The following ADAM10 variants were observed in gnomAD, a reference collection of about 807,000 sequenced individuals.
ADAM10 encodes disintegrin and metalloproteinase domain-containing protein 10.
Under a neutral mutation model 90.1 loss-of-function variants are expected in ADAM10, and 17 were observed. The observed-to-expected ratio is 0.19, with a 90% CI of 0.13 to 0.28. The LOEUF is 0.28. Ranked by LOEUF, ADAM10 falls within the 10% of genes least tolerant of loss-of-function variation. The pLI, the probability that ADAM10 is intolerant of heterozygous loss-of-function variation, is 1.00. For missense variants in ADAM10, 610 were observed against 914.3 expected, an observed-to-expected ratio of 0.67 and a Z score of 4.29; for synonymous variants, 310 against 298.6, an observed-to-expected ratio of 1.04 and a Z score of -0.40.
intron 2 of ADAM10, among the ~76,000 whole-genome samples, chr15:58,683,566 G>C (rs1383973271): frequency 2.6e-5 from 4 of 152,034 alleles, no homozygotes; most frequent in African/African-American, 9.7e-5. Context: ...GGCATAATAA[G>C]AAATATAAAG....
At chr15:58,697,600 G>C (rs879712390) in intron 2 of ADAM10, among the ~76,000 whole-genome samples, 1 of 152,112 alleles carries the variant, frequency 6.6e-6, no homozygotes, top group Non-Finnish European at 1.5e-5. Flanking sequence ...GCCCATTGCA[G>C]CCACTGCCAT....
chr15:58,741,122 C>T (rs905696411), intron 1 of ADAM10, among the ~76,000 whole-genome samples: 55 of 152,148 alleles, frequency 3.6e-4, no homozygotes, highest in African/African-American at 1.3e-3. Flanking sequence ...CAAATGTATG[C>T]ACACGTGTGT....
intron 8 of ADAM10, among the ~76,000 whole-genome samples, chr15:58,637,634 A>G (rs1896298984): frequency 6.6e-6 from 1 of 152,214 alleles, no homozygotes; most frequent in Admixed American, 6.5e-5. Flanking sequence ...TCTACTAAGA[A>G]GCAGAAAACA....
chr15:58,740,962 A>G (rs1899593759), intron 1 of ADAM10, among the ~76,000 whole-genome samples: 1 of 152,246 alleles, frequency 6.6e-6, no homozygotes, highest in South Asian at 2.1e-4. Context: ...TGGAAACGAC[A>G]TAATTTTAAT....
intron 1 of ADAM10, among the ~76,000 whole-genome samples, chr15:58,724,889 G>T (rs1312306831): frequency 1.3e-5 from 2 of 152,120 alleles, no homozygotes; most frequent in East Asian, 3.9e-4. Flanking sequence ...CCTTACTAGT[G>T]GAGTGAAATT....
chr15:58,714,471 G>C (rs1200201299), intron 2 of ADAM10, among the ~76,000 whole-genome samples: 1 of 151,926 alleles, frequency 6.6e-6, no homozygotes, highest in Non-Finnish European at 1.5e-5. Context: ...TCAGATTCTA[G>C]GGGACTAAAG....
At position 58,682,441 on chromosome 15, in the gene ADAM10, G is replaced by A. The variant is rs149339975; in HGVS notation, c.207-127C>T. ...TGAAATTTGTCTATTTGTGAAATAC[G>A]CTGACCAAGATTTTTAAAGACATAT... On this transcript the variant is annotated intron_variant, in intron 2 of 15. Coordinates refer to ENST00000260408, the MANE Select transcript of ADAM10 (RefSeq NM_001110.4). 349 of 1,402,978 alleles carry A rather than the reference G, an allele frequency of 2.5e-4. 1 individual carries two copies. The African/African-American group carries it at 4.5e-3, about 18-fold the overall frequency. 86.9% of individuals were successfully genotyped at this position (1,402,978 alleles called of 1,614,324 possible).
intron 5 of ADAM10, among the ~76,000 whole-genome samples, chr15:58,648,328 T>A (rs1028895134): frequency 3.9e-5 from 6 of 152,156 alleles, no homozygotes. Flanking sequence ...GGTCTCCAGG[T>A]CTCAGTTTAC....
chr15:58,719,061 CG>C (rs572911796), intron 1 of ADAM10, among the ~76,000 whole-genome samples: 2 of 152,284 alleles, frequency 1.3e-5, no homozygotes, highest in East Asian at 3.9e-4. Context: ...TGGTGGCTCA[CG>C]CCTGTAATCC....
rs1323960397 is a variant in ADAM10 at position 58,647,246 on chromosome 15, G to GTCTTTTTTT, written c.586-1043_586-1042insAAAAAAAGA. Among the ~76,000 whole-genome samples the GTCTTTTTTT allele has an allele frequency of 2.2e-4, 8 of 36,826 alleles. 1 individual carries two copies. The highest frequency in any genetic ancestry group is 5.2e-4 in the African/African-American group (7 of 13,578). 24.2% of individuals were successfully genotyped at this position (36,826 alleles called of 152,430 possible). A position where few individuals can be genotyped will look rare whatever the true frequency, so the allele number is the denominator to read the frequency against. On this transcript the variant is annotated intron_variant, in intron 5 of 15. Transcript: ENST00000260408. ...CTTGGCAGCAAAGAGTAGACACTAA[G>GTCTTTTTTT]TATTTTTTTTTTTTTTTTTTTTTTT...
intron 2 of ADAM10, among the ~76,000 whole-genome samples, chr15:58,689,434 T>A (rs1366479387): frequency 1.2e-4 from 19 of 152,080 alleles, no homozygotes; most frequent in Admixed American, 1.2e-3. Context: ...TGCAGTGAGC[T>A]GAGATCATGC....
chr15:58,745,662 T>A (rs750853121), intron 1 of ADAM10, among the ~76,000 whole-genome samples: 10 of 152,178 alleles, frequency 6.6e-5, no homozygotes, highest in Non-Finnish European at 1.3e-4. Context: ...TCAAACATTT[T>A]TTAAAAGTTG....
At chr15:58,717,897 G>C (rs1898718677) in intron 1 of ADAM10, among the ~76,000 whole-genome samples, 170 bp from the exon 2 acceptor site, 1 of 152,136 alleles carries the variant, frequency 6.6e-6, no homozygotes, top group African/African-American at 2.4e-5. Context: ...AACTTATTGT[G>C]AGGGTAATTC....
At position 58,610,350 on chromosome 15, in the gene ADAM10, T is replaced by G; in HGVS notation, c.1972A>C (p.Lys658Gln). The G allele has an allele frequency of 6.2e-7, 1 of 1,614,200 alleles. No individual in the cohort carries two copies. Among genetic ancestry groups the G allele is most frequent in the Non-Finnish European group, 8.5e-7 (1 of 1,180,032 alleles). The change falls in exon 14 of 16, where the codon AAA becomes CAA. Residue 658 changes from lysine to glutamine, a missense_variant. Physicochemically the swap from Lys to Gln is moderately conservative, Grantham distance 53. Transcript: ENST00000260408. ...AGCTCTGGACTAAAAATTGCTTTTT[T>G]AAGCCTAGCTAGAGGACCATCAGCA... ...VDADGPLARLKKAIFSPELYE... is the reference protein window; with the variant it reads ...VDADGPLARLQKAIFSPELYE...
intron 5 of ADAM10, among the ~76,000 whole-genome samples, chr15:58,648,216 A>G (rs1215702260): frequency 9.8e-5 from 15 of 152,326 alleles, no homozygotes; most frequent in African/African-American, 3.4e-4. Context: ...AACAATTTGT[A>G]TTATAGATGG....
rs375906200 is a variant in ADAM10 at position 58,621,527 on chromosome 15, G to A, written c.1455C>T (p.Phe485=). The change falls in exon 11 of 16, where the codon TTC becomes TTT. Residue 485 remains phenylalanine (F), a synonymous_variant. Transcript: ENST00000260408. ...YSDQCKDECC[F]DANQPEGRKC... is the part of the protein sequence containing the mutation. ...TTCTTCCCTCTGGTTGATTTGCATC[G>A]AAGCAGCATTCATCTTTACACTGGT... 16 of 1,613,904 alleles carry A rather than the reference G, an allele frequency of 9.9e-6. No homozygotes were observed. Among genetic ancestry groups the A allele is most frequent in the South Asian group, 2.2e-5 (2 of 91,082 alleles).
At chr15:58,717,425 A>AT in intron 2 of ADAM10, 152 bp downstream of exon 2, 2 of 887,924 alleles carry the variant, frequency 2.3e-6, no homozygotes, top group Non-Finnish European at 3.4e-6. Flanking sequence ...AAAATAAGTC[A>AT]TTTTTTAATG....
chr15:58,688,786 A>ATATATATCTC lies in ADAM10; in HGVS notation c.207-6473_207-6472insGAGATATATA. Among the ~76,000 whole-genome samples the ATATATATCTC allele has an allele frequency of 1.6e-3, 197 of 122,370 alleles. 2 individuals are homozygous for ATATATATCTC. Among genetic ancestry groups the ATATATATCTC allele is most frequent in the African/African-American group, 6.8e-3 (188 of 27,820 alleles). The allele number at this position is 122,370 out of a possible 152,430, so 80.3% of individuals were successfully genotyped here. On this transcript the variant is annotated intron_variant, in intron 2 of 15. Transcript: ENST00000260408. The stretch of plus-strand genomic sequence containing the variant: ...AAAAATTATATATATATATATATAT[A>ATATATATCTC]TCTCTCTCTCTCACTGGACTGACTT...
chr15:58,676,234 AG>A, intron 4 of ADAM10: 1 of 452,348 alleles, frequency 2.2e-6, no homozygotes, highest in South Asian at 1.6e-5. Flanking sequence ...CACAGGGTAA[AG>A]AACAGGAGGT....
Sources: allele counts gnomAD v4.1 joint callset (sites outside exome capture counted in the v4.1 genomes callset), GRCh38; gene constraint gnomAD v4.1.1; transcripts MANE v1.5; gene names NCBI Gene and HGNC (gene_info 2026-07-23, HGNC 2026-07-21).